The following ADAMTSL3 variants were observed in gnomAD, a reference collection of about 807,000 sequenced individuals.
ADAMTSL3 encodes ADAMTS like 3, also known as ADAMTS-like protein 3.
In ADAMTSL3, 128 loss-of-function variants were observed where a neutral mutation model predicts 201.7. The observed-to-expected ratio is 0.63, with a 90% CI of 0.55 to 0.73. The LOEUF is 0.73. Ranked by LOEUF, ADAMTSL3 falls within the 30% of genes least tolerant of loss-of-function variation. ADAMTSL3 has a pLI of 0.00. For synonymous variants in ADAMTSL3, 738 were observed against 748.4 expected (o/e 0.99, Z 0.23); for missense variants, 1,990 against 2,119.6 (o/e 0.94, Z 1.20).
intron 8 of ADAMTSL3, among the ~76,000 whole-genome samples, chr15:83,869,648 G>T (rs1217465761): frequency 6.6e-6 from 1 of 152,158 alleles, no homozygotes; most frequent in African/African-American, 2.4e-5. Flanking sequence ...AGCCCAGCAG[G>T]CTATGGATGG....
chr15:83,843,639 C>T (rs986311541), intron 7 of ADAMTSL3, among the ~76,000 whole-genome samples: 5 of 152,162 alleles, frequency 3.3e-5, no homozygotes, highest in African/African-American at 7.2e-5. Context: ...GCAGAATCTA[C>T]GCAGCTCCTA....
intron 3 of ADAMTSL3, among the ~76,000 whole-genome samples, chr15:83,716,252 C>G (rs1247977448): frequency 6.6e-6 from 1 of 152,158 alleles, no homozygotes; most frequent in Non-Finnish European, 1.5e-5. Flanking sequence ...CCAGTAATCT[C>G]AGCACTTTGG....
At chr15:83,739,918 G>A (rs2062427940) in intron 3 of ADAMTSL3, 1 of 578,692 alleles carries the variant, frequency 1.7e-6, no homozygotes, top group African/African-American at 1.9e-5. Flanking sequence ...TGGGAGAGAA[G>A]ACGCATCCTT....
intron 12 of ADAMTSL3, 152 bp from the exon 13 acceptor site, chr15:83,892,532 C>CAA: frequency 1.3e-6 from 1 of 747,768 alleles, no homozygotes; most frequent in Non-Finnish European, 2.1e-6. Context: ...TCTGTCTCAA[C>CAA]AAAAAAAAGT....
intron 9 of ADAMTSL3, among the ~76,000 whole-genome samples, chr15:83,882,038 C>T (rs1234500289): frequency 6.6e-6 from 1 of 151,908 alleles, no homozygotes; most frequent in African/African-American, 2.4e-5. Flanking sequence ...CACCTGTAGT[C>T]TCAGCTACTT....
intron 3 of ADAMTSL3, among the ~76,000 whole-genome samples, chr15:83,765,108 C>T (rs531082302): frequency 2.6e-5 from 4 of 152,216 alleles, no homozygotes; most frequent in Admixed American, 6.5e-5. Flanking sequence ...CACAGAGGTA[C>T]GGAGCATTTC....
At chr15:83,771,764 T>A (rs1322431033) in intron 3 of ADAMTSL3, among the ~76,000 whole-genome samples, 2 of 152,256 alleles carry the variant, frequency 1.3e-5, no homozygotes, top group African/African-American at 4.8e-5. Context: ...AGATCCTGAT[T>A]TCAGTTCTTT....
At chr15:83,963,926 TAGA>T (rs1445172630) in intron 19 of ADAMTSL3, among the ~76,000 whole-genome samples, 1 of 152,080 alleles carries the variant, frequency 6.6e-6, no homozygotes, top group Non-Finnish European at 1.5e-5. Context: ...GCCTGACTAT[TAGA>T]AGGAAAATTA....
chr15:83,688,367 GA>G (rs1283939825), intron 2 of ADAMTSL3, among the ~76,000 whole-genome samples: 2 of 152,180 alleles, frequency 1.3e-5, no homozygotes, highest in African/African-American at 4.8e-5. Context: ...AACATGAAAA[GA>G]AAGCCGTTAA....
In ADAMTSL3 at chr15:84,020,416, TG is replaced by T. The variant is rs531115962; in HGVS notation, c.4274-991del. 3.8e-4 allele frequency among the ~76,000 whole-genome samples: 58 copies of T among 152,378 alleles called. 2 individuals are homozygous for T. Among genetic ancestry groups the T allele is most frequent in the South Asian group, 1.0e-3 (5 of 4,826 alleles). On this transcript the variant is annotated intron_variant, in intron 25 of 29. Coordinates refer to ENST00000286744, the MANE Select transcript of ADAMTSL3 (RefSeq NM_207517.3). ...AGTGTCTAACTCAGTTCCTGTCACC[TG>T]GGAGGTTCTCAGTAAACGTATCTAC... is the stretch of plus-strand genomic sequence containing the variant.
At position 83,810,037 on chromosome 15, in the gene ADAMTSL3, A is replaced by C. The variant is rs117189761; in HGVS notation, c.363+5342A>C. On this transcript the variant is annotated intron_variant, in intron 5 of 29. Transcript: ENST00000286744. Reference sequence around the variant, plus strand: ...AGAGCTCAAGCCATATTTGCAGTCCATTTCTATCAACGATGAAGCTGACAT... The same window carrying C: ...AGAGCTCAAGCCATATTTGCAGTCCCTTTCTATCAACGATGAAGCTGACAT... Among the ~76,000 whole-genome samples the C allele has an allele frequency of 5.8e-4, 89 of 152,166 alleles. 1 individual carries two copies. In the East Asian group the frequency reaches 0.016, roughly 28 times the overall value.
chr15:83,757,190 T>C (rs971969379), intron 3 of ADAMTSL3, among the ~76,000 whole-genome samples: 2 of 152,212 alleles, frequency 1.3e-5, no homozygotes, highest in African/African-American at 4.8e-5. Flanking sequence ...GCACCCCAAA[T>C]TTCCCTTCTT....
At chr15:83,727,646 G>A (rs1485366555) in intron 3 of ADAMTSL3, among the ~76,000 whole-genome samples, 1 of 151,922 alleles carries the variant, frequency 6.6e-6, no homozygotes, top group Non-Finnish European at 1.5e-5. Flanking sequence ...GAAGCATATT[G>A]TTTAATTTCC....
At chr15:83,934,653 G>T (rs1219451113) in intron 17 of ADAMTSL3, among the ~76,000 whole-genome samples, 1 of 152,148 alleles carries the variant, frequency 6.6e-6, no homozygotes, top group Non-Finnish European at 1.5e-5. Flanking sequence ...ATCTTAAATT[G>T]TAATCCCCAT....
At chr15:83,985,690 T>A (rs1187959458) in intron 21 of ADAMTSL3, among the ~76,000 whole-genome samples, 1 of 152,216 alleles carries the variant, frequency 6.6e-6, no homozygotes, top group Non-Finnish European at 1.5e-5. Context: ...TGGAGTGCAG[T>A]GGTGGCATCT....
intron 3 of ADAMTSL3, among the ~76,000 whole-genome samples, chr15:83,724,234 G>A (rs1018087532): frequency 6.6e-6 from 1 of 151,872 alleles, no homozygotes; most frequent in African/African-American, 2.4e-5. Flanking sequence ...GAGTAGCTGG[G>A]ATTACAGGCA....
chr15:83,850,892 T>C (rs1412336489), intron 7 of ADAMTSL3, among the ~76,000 whole-genome samples: 3 of 152,222 alleles, frequency 2.0e-5, no homozygotes, highest in African/African-American at 7.2e-5. Context: ...AGTTTGTGAC[T>C]GTGGACCAGT....
At chr15:83,688,713 CA>C (rs994182138) in intron 2 of ADAMTSL3, among the ~76,000 whole-genome samples, 11 of 148,048 alleles carry the variant, frequency 7.4e-5, no homozygotes, top group South Asian at 2.2e-4. Flanking sequence ...CTCATTGATA[CA>C]AAAAAAACTA....
chr15:83,827,397 G>T (rs1467128798), intron 6 of ADAMTSL3, among the ~76,000 whole-genome samples: 1 of 152,122 alleles, frequency 6.6e-6, no homozygotes, highest in Non-Finnish European at 1.5e-5. Flanking sequence ...GTTCTTTGTA[G>T]ATTCTGGATA....
Sources: allele counts gnomAD v4.1 joint callset (sites outside exome capture counted in the v4.1 genomes callset), GRCh38; gene constraint gnomAD v4.1.1; transcripts MANE v1.5; gene names NCBI Gene and HGNC (gene_info 2026-07-23, HGNC 2026-07-21).